Variants in PPP6R3 observed in about 807,000 individuals in gnomAD.
PPP6R3 encodes protein phosphatase 6 regulatory subunit 3.
Under a neutral mutation model 110.7 loss-of-function variants are expected in PPP6R3, and 38 were observed. The ratio of observed to expected loss-of-function variants is 0.34; its 90% CI spans 0.26 to 0.45. The LOEUF is 0.45. Ranked by LOEUF, PPP6R3 falls within the 20% of genes least tolerant of loss-of-function variation. PPP6R3 has a pLI of 1.00. For missense variants in PPP6R3, 870 were observed against 1,062.4 expected, an observed-to-expected ratio of 0.82 and a Z score of 2.52; for synonymous variants, 369 against 373.5, an observed-to-expected ratio of 0.99 and a Z score of 0.14.
At chr11:68,609,427 C>A in intron 22 of PPP6R3, 1 of 752,714 alleles carries the variant, frequency 1.3e-6, no homozygotes, top group Non-Finnish European at 2.3e-6. Context: ...GTGGGCTTGG[C>A]CCCAAAAGCA....
Position 68,502,261 on chromosome 11 carries a change from A to G in PPP6R3, c.-157-17240A>G, listed in dbSNP as rs143571025. On this transcript the variant is annotated intron_variant, in intron 1 of 23. Transcript: ENST00000393800. ...TGTCCAAAATATTATTTCAACATAT[A>G]ATCAGTAGGAAAATTGAGATGTTTT... Among the ~76,000 whole-genome samples, 44 of 152,358 alleles carry G rather than the reference A, an allele frequency of 2.9e-4. No individual in the cohort carries two copies. In the East Asian group the frequency reaches 7.7e-3, roughly 27 times the overall value.
At chr11:68,564,076 A>C (rs887518140) in intron 8 of PPP6R3, among the ~76,000 whole-genome samples, 2 of 152,152 alleles carry the variant, frequency 1.3e-5, no homozygotes, top group Non-Finnish European at 2.9e-5. Flanking sequence ...AAGAAATCAC[A>C]TGTAATTTCT....
At chr11:68,462,708 CTCAG>C (rs1403095645) in intron 1 of PPP6R3, among the ~76,000 whole-genome samples, 2 of 152,214 alleles carry the variant, frequency 1.3e-5, no homozygotes, top group Non-Finnish European at 2.9e-5. Context: ...AATGCCTGCA[CTCAG>C]TCAGAAATAA....
intron 1 of PPP6R3, among the ~76,000 whole-genome samples, chr11:68,503,575 G>A (rs2099059576): frequency 2.0e-5 from 3 of 152,182 alleles, no homozygotes; most frequent in South Asian, 4.1e-4. Context: ...CTAATGAGGA[G>A]CGTCTTCTGG....
intron 1 of PPP6R3, among the ~76,000 whole-genome samples, chr11:68,471,966 G>A (rs1243338648): frequency 6.6e-6 from 1 of 152,024 alleles, no homozygotes; most frequent in Non-Finnish European, 1.5e-5. Context: ...GTGAGAATGA[G>A]GGGGTGTCAG....
At chr11:68,489,207 G>T (rs1197114891) in intron 1 of PPP6R3, among the ~76,000 whole-genome samples, 1 of 151,930 alleles carries the variant, frequency 6.6e-6, no homozygotes. Flanking sequence ...TTTTAGTAGA[G>T]ACGGGGTTTC....
chr11:68,540,498 A>G (rs1396423441), intron 3 of PPP6R3, among the ~76,000 whole-genome samples: 1 of 152,164 alleles, frequency 6.6e-6, no homozygotes, highest in Non-Finnish European at 1.5e-5. Context: ...CCGGGGCAAA[A>G]TTAAAATTGC....
intron 2 of PPP6R3, among the ~76,000 whole-genome samples, chr11:68,523,441 A>G (rs573617605): frequency 6.6e-6 from 1 of 152,374 alleles, no homozygotes; most frequent in Admixed American, 6.5e-5. Context: ...TAGATCCGTC[A>G]GACCTTCCAT....
At chr11:68,513,416 G>A (rs1350881983) in intron 1 of PPP6R3, among the ~76,000 whole-genome samples, 4 of 152,238 alleles carry the variant, frequency 2.6e-5, no homozygotes, top group South Asian at 4.1e-4. Flanking sequence ...ATGAGGCTAC[G>A]TAATGGTGAA....
At chr11:68,560,894 C>CT (rs11295490) in intron 8 of PPP6R3, among the ~76,000 whole-genome samples, 74,479 of 117,718 alleles carry the variant, frequency 0.63, 24,882 homozygotes, top group South Asian at 0.82. Flanking sequence ...TTCCTTATAC[C>CT]TTTTTTTTTT....
At chr11:68,499,523 G>C (rs781338102) in intron 1 of PPP6R3, among the ~76,000 whole-genome samples, 1 of 152,242 alleles carries the variant, frequency 6.6e-6, no homozygotes, top group African/African-American at 2.4e-5. Context: ...TGGAAGTCAC[G>C]TAGCATCTAG....
Position 68,613,067 on chromosome 11 carries a change from A to T in PPP6R3, c.2572A>T (p.Thr858Ser), listed in dbSNP as rs1944377261. Reference protein sequence around the residue: ...RPPSSSPEQRTGQPSAPGDTS... With the variant: ...RPPSSSPEQRSGQPSAPGDTS... Reference sequence around the variant, plus strand: ...CGATGCCTGTCTGTTGCTCCTTAGGACTGGCCAACCAAGCGCACCAGGTGA... The same window carrying T: ...CGATGCCTGTCTGTTGCTCCTTAGGTCTGGCCAACCAAGCGCACCAGGTGA... The change falls in exon 24 of 24, where the codon ACT becomes TCT. Residue 858 changes from threonine (T) to serine (S), a missense_variant and splice_region_variant. By Grantham distance (58) the Thr-to-Ser change is moderately conservative. Coordinates refer to ENST00000393800, the MANE Select transcript of PPP6R3 (RefSeq NM_001164161.2). The T allele has an allele frequency of 6.2e-7, 1 of 1,613,920 alleles. No individual in the cohort carries two copies. The highest frequency in any genetic ancestry group is 1.3e-5 in the African/African-American group (1 of 74,880).
At position 68,612,927 on chromosome 11, in the gene PPP6R3, T is replaced by TATCA. The variant is rs1156864969; in HGVS notation, c.2571-138_2571-135dup. 6.4e-5 allele frequency: 93 copies of TATCA among 1,458,874 alleles called. 1 individual carries two copies. In the South Asian group the frequency reaches 1.0e-3, roughly 16 times the overall value. The allele number at this position is 1,458,874 out of a possible 1,614,324, so 90.4% of individuals were successfully genotyped here. A position where few individuals can be genotyped will look rare whatever the true frequency, so the allele number is the denominator to read the frequency against. Reference sequence around the variant, plus strand: ...AGAGCTTTTGCTCCATTCATTTACATATCATTTTATTAAAAACTTACTAAG... The same window carrying TATCA: ...AGAGCTTTTGCTCCATTCATTTACATATCAATCATTTTATTAAAAACTTACTAAG... On this transcript the variant is annotated intron_variant, in intron 23 of 23. Coordinates refer to ENST00000393800, the MANE Select transcript of PPP6R3 (RefSeq NM_001164161.2).
chr11:68,514,238 A>G (rs1331151817), intron 1 of PPP6R3, among the ~76,000 whole-genome samples: 5 of 152,060 alleles, frequency 3.3e-5, no homozygotes, highest in African/African-American at 1.2e-4. Flanking sequence ...CTAATGAAAA[A>G]AACTTTTTTT....
At chr11:68,483,661 T>C (rs1196864404) in intron 1 of PPP6R3, among the ~76,000 whole-genome samples, 1 of 152,210 alleles carries the variant, frequency 6.6e-6, no homozygotes, top group Non-Finnish European at 1.5e-5. Context: ...TTTGTGTTTT[T>C]AGTAGAGACA....
intron 7 of PPP6R3, 95 bp from the exon 8 acceptor site, chr11:68,558,471 C>G (rs1272533180): frequency 2.7e-6 from 2 of 744,234 alleles, no homozygotes; most frequent in Non-Finnish European, 4.6e-6. Context: ...AGTATGAACT[C>G]TTCAGTGATG....
rs1565283664 is a variant in PPP6R3, at chr11:68,477,738, A to AT, written c.-158+16911_-158+16912insT. Among the ~76,000 whole-genome samples, 495 of 88,352 alleles carry AT rather than the reference A, an allele frequency of 5.6e-3. 3 individuals are homozygous for AT. Among genetic ancestry groups the AT allele is most frequent in the East Asian group, 0.012 (44 of 3,526 alleles). The allele number at this position is 88,352 out of a possible 152,430, so 58.0% of individuals were successfully genotyped here. A position where few individuals can be genotyped will look rare whatever the true frequency, so the allele number is the denominator to read the frequency against. On this transcript the variant is annotated intron_variant, in intron 1 of 23. Transcript: ENST00000393800. ...AGAGACATTGTCTCTTAAAAAAAAA[A>AT]AAAATATATATATATATATATATAT...
chr11:68,606,332 T>TCTTCTTC (rs1939833045), intron 22 of PPP6R3, among the ~76,000 whole-genome samples: 1 of 151,984 alleles, frequency 6.6e-6, no homozygotes, highest in Non-Finnish European at 1.5e-5. Context: ...CTTTCTTCTT[T>TCTTCTTC]CTTCTTCAAG....
rs2099613400 is a variant in PPP6R3, at chr11:68,596,179, G to A, written c.1999G>A (p.Ala667Thr). ...GCAAGACTTGTTTGAACCCAGCAGT[G>A]CCAACACGGAGGATAAAATGGAGGT... ...AKQDLFEPSSANTEDKMEVDL... is the reference protein window; with the variant it reads ...AKQDLFEPSSTNTEDKMEVDL... Residue 667 changes from alanine to threonine, a missense_variant, in exon 19 of 24, where the codon GCC (alanine) becomes ACC (threonine). Ala to Thr is a moderately conservative substitution (Grantham distance 58, BLOSUM62 0). Transcript: ENST00000393800. 1 of 1,614,106 alleles carries A rather than the reference G, an allele frequency of 6.2e-7. No homozygotes were observed. The highest frequency in any genetic ancestry group is 1.3e-5 in the African/African-American group (1 of 74,944).
Sources: allele counts gnomAD v4.1 joint callset (sites outside exome capture counted in the v4.1 genomes callset), GRCh38; gene constraint gnomAD v4.1.1; transcripts MANE v1.5; gene names NCBI Gene and HGNC (gene_info 2026-07-23, HGNC 2026-07-21).